Variants in SLC4A10 observed in about 807,000 individuals in gnomAD.
The protein encoded by SLC4A10 is solute carrier family 4 member 10, also known as sodium-driven chloride bicarbonate exchanger.
SLC4A10 carries 42 observed loss-of-function variants against 137.7 expected under a neutral mutation model. The observed-to-expected ratio is 0.30, with a 90% CI of 0.24 to 0.39. The LOEUF is 0.39. Among genes scored for constraint, SLC4A10 ranks in the 10% least tolerant of loss-of-function variants. SLC4A10 has a pLI of 1.00. For synonymous variants in SLC4A10, 474 were observed against 464.1 expected (o/e 1.02, Z -0.27); for missense variants, 925 against 1,355.0 (o/e 0.68, Z 4.98).
chr2:161,904,938 G>A lies in SLC4A10; in HGVS notation c.1751+29G>A, dbSNP rs757937274. The A allele has an allele frequency of 1.3e-5, 21 of 1,610,184 alleles. No homozygotes were observed. The African/African-American group carries it at 2.5e-4, about 20-fold the overall frequency. The stretch of plus-strand genomic sequence containing the variant: ...AGTGTTATGTACTTTTTGGCCCTTA[G>A]CCTCTTCCTTTTTTCTTTACTGTAT... On this transcript the variant is annotated intron_variant, in intron 14 of 26. Transcript: ENST00000446997.
At chr2:161,674,773 C>T (rs1182638582) in intron 1 of SLC4A10, among the ~76,000 whole-genome samples, 3 of 152,162 alleles carry the variant, frequency 2.0e-5, no homozygotes, top group Non-Finnish European at 4.4e-5. Context: ...TGGATACAAG[C>T]TACTGTCTCA....
Position 161,708,635 on chromosome 2 carries a change from G to A in SLC4A10, c.49-62338G>A, listed in dbSNP as rs905345232. The A allele has an allele frequency of 2.0e-5, 29 of 1,442,378 alleles. No individual in the cohort carries two copies. The African/African-American group carries it at 3.4e-4, about 17-fold the overall frequency. 89.3% of individuals were successfully genotyped at this position (1,442,378 alleles called of 1,614,324 possible). ...AATAGTATATGTGATTTGATATCTT[G>A]ATGATGGCTTAAACAGATACTGATG... On this transcript the variant is annotated intron_variant, in intron 1 of 26. Coordinates refer to ENST00000446997, the MANE Select transcript of SLC4A10 (RefSeq NM_001178015.2).
intron 1 of SLC4A10, among the ~76,000 whole-genome samples, chr2:161,696,552 A>G (rs2042534393): frequency 2.1e-5 from 3 of 143,096 alleles, no homozygotes; most frequent in East Asian, 2.1e-4. Flanking sequence ...GAGAACATGC[A>G]GTGTTTGGTT....
chr2:161,806,782 TA>T (rs1162400698), intron 3 of SLC4A10, among the ~76,000 whole-genome samples: 1 of 152,180 alleles, frequency 6.6e-6, no homozygotes, highest in Non-Finnish European at 1.5e-5. Context: ...CACATTTTCC[TA>T]TCTTCTTCTG....
chr2:161,655,894 A>G (rs1469421219), intron 1 of SLC4A10, among the ~76,000 whole-genome samples: 2 of 148,544 alleles, frequency 1.3e-5, no homozygotes. Context: ...GGGCAGTGCA[A>G]TCTCTGTCTC....
chr2:161,775,165 A>T (rs1397300510), intron 2 of SLC4A10, among the ~76,000 whole-genome samples: 1 of 151,912 alleles, frequency 6.6e-6, no homozygotes, highest in East Asian at 1.9e-4. Flanking sequence ...ATCCTAGAGG[A>T]TGATAATGGA....
At chr2:161,728,532 G>A (rs138826405) in intron 1 of SLC4A10, among the ~76,000 whole-genome samples, 5 of 151,788 alleles carry the variant, frequency 3.3e-5, no homozygotes, top group South Asian at 4.1e-4. Context: ...CTGAAATCGC[G>A]CCCTGTACTC....
At chr2:161,922,701 C>T (rs1353883882) in intron 15 of SLC4A10, among the ~76,000 whole-genome samples, 2 of 151,984 alleles carry the variant, frequency 1.3e-5, no homozygotes, top group African/African-American at 4.8e-5. Flanking sequence ...ATGAGAGATA[C>T]CTTTTTCTTT....
At chr2:161,652,588 T>A (rs2036950754) in intron 1 of SLC4A10, among the ~76,000 whole-genome samples, 1 of 152,180 alleles carries the variant, frequency 6.6e-6, no homozygotes, top group African/African-American at 2.4e-5. Flanking sequence ...AATATTTTTA[T>A]TTTATAGTGG....
In SLC4A10 at chr2:161,938,473, G is replaced by T. The variant is rs1452740756; in HGVS notation, c.1998-4319G>T. On this transcript the variant is annotated intron_variant, in intron 15 of 26. Transcript: ENST00000446997. ...ACATCCGAGTTCGTGTATAAGAGTT[G>T]ATATTTATAGATTATTATTATTATA... 9.9e-5 allele frequency among the ~76,000 whole-genome samples: 15 copies of T among 151,026 alleles called. No homozygotes were observed. The South Asian group carries it at 2.7e-3, about 27-fold the overall frequency.
intron 8 of SLC4A10, among the ~76,000 whole-genome samples, chr2:161,876,083 A>G (rs529483152): frequency 8.9e-4 from 136 of 152,290 alleles, no homozygotes; most frequent in African/African-American, 3.2e-3. Context: ...TCCACAGATT[A>G]AGTATCAAAG....
In SLC4A10 at chr2:161,847,269, C is replaced by G. The variant is rs1387161264; in HGVS notation, c.416+7342C>G. ...AAAAAGTTTTTTTTAATGCATAGAA[C>G]TGCACACACACACACATACACACAC... is the stretch of plus-strand genomic sequence containing the variant. On this transcript the variant is annotated intron_variant, in intron 4 of 26. Transcript: ENST00000446997. Among the ~76,000 whole-genome samples, 11 of 150,492 alleles carry G rather than the reference C, an allele frequency of 7.3e-5. No individual in the cohort carries two copies. In the East Asian group the frequency reaches 2.1e-3, roughly 29 times the overall value.
At chr2:161,894,911 A>C in intron 11 of SLC4A10, 86 bp downstream of exon 11, 1 of 766,846 alleles carries the variant, frequency 1.3e-6, no homozygotes, top group Non-Finnish European at 1.7e-6. Flanking sequence ...TTATTTATTT[A>C]TTTATTTTAT....
intron 1 of SLC4A10, among the ~76,000 whole-genome samples, chr2:161,656,804 G>A (rs1211129816): frequency 1.3e-5 from 2 of 152,076 alleles, no homozygotes; most frequent in African/African-American, 4.8e-5. Context: ...TTTATAAATA[G>A]ATAGCTATAT....
rs777052093 is a variant in SLC4A10, at chr2:161,931,715, GT to G, written c.1998-11075del. On this transcript the variant is annotated intron_variant, in intron 15 of 26. Coordinates refer to ENST00000446997, the MANE Select transcript of SLC4A10 (RefSeq NM_001178015.2). Reference sequence around the variant, plus strand: ...AGAACTTACAATTTGCTCTGGTTTTGTTACTTGGGTGGGTAAGATAACTTAG... The same window carrying G: ...AGAACTTACAATTTGCTCTGGTTTTGTACTTGGGTGGGTAAGATAACTTAG... Among the ~76,000 whole-genome samples the G allele has an allele frequency of 8.8e-4, 134 of 152,096 alleles. 1 individual carries two copies. The highest frequency in any genetic ancestry group is 2.2e-4 in the Non-Finnish European group (15 of 68,004).
chr2:161,981,367 A>G (rs147147644), intron 26 of SLC4A10, among the ~76,000 whole-genome samples: 144 of 152,358 alleles, frequency 9.5e-4, no homozygotes, highest in Non-Finnish European at 1.8e-3. Context: ...GGAATTGGGA[A>G]TACCAGCCTC....
At chr2:161,891,046 G>A (rs1387750082) in intron 10 of SLC4A10, among the ~76,000 whole-genome samples, 1 of 151,978 alleles carries the variant, frequency 6.6e-6, no homozygotes, top group Non-Finnish European at 1.5e-5. Context: ...TTTCTCCTTT[G>A]CTTATGAAGC....
chr2:161,981,793 G>C (rs1700251557), intron 26 of SLC4A10, among the ~76,000 whole-genome samples: 2 of 152,132 alleles, frequency 1.3e-5, no homozygotes, highest in South Asian at 4.1e-4. Flanking sequence ...GCTTTGCTCT[G>C]ACCTGTAAGT....
At chr2:161,970,976 A>G (rs1354746385) in intron 23 of SLC4A10, among the ~76,000 whole-genome samples, 1 of 152,224 alleles carries the variant, frequency 6.6e-6, no homozygotes, top group Non-Finnish European at 1.5e-5. Context: ...TGGTTGGCCT[A>G]CATTGTTTCT....
Sources: gnomAD v4.1 joint callset for allele counts (sites outside exome capture counted in the v4.1 genomes callset) on GRCh38, gnomAD v4.1.1 for gene constraint, MANE v1.5 for transcripts, NCBI Gene and HGNC (gene_info 2026-07-23, HGNC 2026-07-21) for gene names.